Variants in STK32B observed in about 807,000 individuals in gnomAD.
STK32B encodes serine/threonine kinase 32B, also known as serine/threonine-protein kinase 32B.
STK32B carries 43 observed loss-of-function variants against 52.6 expected under a neutral mutation model. The ratio of observed to expected loss-of-function variants is 0.82; its 90% CI spans 0.64 to 1.05. The LOEUF is 1.05. Among genes scored for constraint, STK32B ranks in the 50% least tolerant of loss-of-function variants. STK32B has a pLI of 0.00. For synonymous variants in STK32B, 238 were observed against 204.3 expected, an observed-to-expected ratio of 1.17 and a Z score of -1.41; for missense variants, 621 against 534.6, an observed-to-expected ratio of 1.16 and a Z score of -1.59.
chr4:5,049,833 C>T (rs1026149896), upstream of STK32B, among the ~76,000 whole-genome samples: 3 of 152,084 alleles, frequency 2.0e-5, no homozygotes, highest in South Asian at 2.1e-4. Flanking sequence ...GTGATCCACC[C>T]GCCTCAGCCT....
chr4:5,053,815 C>CTAAAAATTTTG (rs1553814576), intron 1 of STK32B, among the ~76,000 whole-genome samples: 1 of 151,386 alleles, frequency 6.6e-6, no homozygotes, highest in Non-Finnish European at 1.5e-5. Flanking sequence ...CCCGACTCTA[C>CTAAAAATTTTG]TAAAAATACA....
Position 5,051,823 on chromosome 4 carries a change from C to T in STK32B, c.-41C>T. ...GCGTCCCACATCCCGCATCCGGCATCCCAGCGGCCGGGCATGTAGCAGCGG... is the reference window on the plus strand; with the variant it reads ...GCGTCCCACATCCCGCATCCGGCATTCCAGCGGCCGGGCATGTAGCAGCGG... On this transcript the variant is annotated 5_prime_UTR_variant, in exon 1 of 12. Transcript: ENST00000282908. 2 of 1,572,722 alleles carry T rather than the reference C, an allele frequency of 1.3e-6. No individual in the cohort carries two copies. Among genetic ancestry groups the T allele is most frequent in the Non-Finnish European group, 1.7e-6 (2 of 1,160,004 alleles).
At position 5,491,711 on chromosome 4, in the gene STK32B, G is replaced by C. The variant is rs1719749525; in HGVS notation, c.1107-7234G>C. Among the ~76,000 whole-genome samples, 3 of 152,048 alleles carry C rather than the reference G, an allele frequency of 2.0e-5. No individual in the cohort carries two copies. In the South Asian group the frequency reaches 6.2e-4, roughly 32 times the overall value. ...TTCTTCTAGGGTTTTTATGGTTTTA[G>C]GTCTAACATTTAAGTCTTTAATCCA... is the stretch of plus-strand genomic sequence containing the variant. On this transcript the variant is annotated intron_variant, in intron 11 of 11. Transcript: ENST00000282908.
At chr4:5,350,307 C>T (rs1008420185) in intron 4 of STK32B, among the ~76,000 whole-genome samples, 6 of 152,078 alleles carry the variant, frequency 3.9e-5, no homozygotes, top group African/African-American at 1.4e-4. Flanking sequence ...GGATGCTACA[C>T]TCAAAGTTGT....
the STK32B span, among the ~76,000 whole-genome samples, chr4:5,040,259 A>G: frequency 6.6e-6 from 1 of 152,190 alleles, no homozygotes; most frequent in Non-Finnish European, 1.5e-5. Flanking sequence ...AGTGGATACC[A>G]TGAACAAGTA....
chr4:5,387,781 G>A (rs1048326702), intron 4 of STK32B, among the ~76,000 whole-genome samples: 3 of 152,118 alleles, frequency 2.0e-5, no homozygotes, highest in African/African-American at 7.2e-5. Flanking sequence ...GTTTTCTTTT[G>A]TTACCCAGGC....
chr4:5,211,582 G>A (rs545807013), intron 3 of STK32B, among the ~76,000 whole-genome samples: 4 of 152,138 alleles, frequency 2.6e-5, no homozygotes, highest in African/African-American at 9.7e-5. Flanking sequence ...TAGGGGAGGA[G>A]GGGGGATGGA....
the STK32B span, among the ~76,000 whole-genome samples, chr4:5,039,160 A>T: frequency 1.1e-4 from 17 of 151,618 alleles, 1 homozygote; most frequent in South Asian, 2.9e-3. Flanking sequence ...ATATATATAT[A>T]TTTTTTGTAT....
Position 5,168,445 on chromosome 4 carries a change from T to A in STK32B, c.255T>A (p.Asn85Lys). 1 of 1,612,924 alleles carries A rather than the reference T, an allele frequency of 6.2e-7. No homozygotes were observed. The highest frequency in any genetic ancestry group is 1.1e-5 in the South Asian group (1 of 90,798). ...GGCTGGAGCACCCCTTCCTGGTCAA[T>A]CTGTGGTGAGTGTGGCTCCATCCAG... ...MQGLEHPFLV[N>K]LWYSFQDEED... Residue 85 changes from asparagine to lysine, a missense_variant, in exon 3 of 12, where the codon AAT becomes AAA. Coordinates refer to ENST00000282908, the MANE Select transcript of STK32B (RefSeq NM_018401.3).
chr4:5,176,004 G>T (rs556143799), intron 3 of STK32B, among the ~76,000 whole-genome samples: 2 of 152,316 alleles, frequency 1.3e-5, no homozygotes, highest in East Asian at 3.9e-4. Context: ...GCAATGGTGG[G>T]CGCCCCTCCC....
chr4:5,035,527 C>T, the STK32B span, among the ~76,000 whole-genome samples: 2 of 152,262 alleles, frequency 1.3e-5, no homozygotes, highest in African/African-American at 2.4e-5. Context: ...TGTGCCTGCA[C>T]CTAACCATAG....
intron 2 of STK32B, among the ~76,000 whole-genome samples, chr4:5,144,910 G>A (rs1197445384): frequency 6.6e-6 from 1 of 152,136 alleles, no homozygotes; most frequent in Non-Finnish European, 1.5e-5. Context: ...TATGGTGCCT[G>A]CCTTTGAGGA....
chr4:5,094,308 A>C (rs1157432150), intron 1 of STK32B, among the ~76,000 whole-genome samples: 1 of 152,230 alleles, frequency 6.6e-6, no homozygotes, highest in Non-Finnish European at 1.5e-5. Flanking sequence ...AAGTTAACAG[A>C]AGAAGTGCTT....
Position 5,169,931 on chromosome 4 carries a change from T to A in STK32B, c.260+1481T>A, listed in dbSNP as rs376309332. Among the ~76,000 whole-genome samples the A allele has an allele frequency of 4.6e-5, 7 of 152,214 alleles. No homozygotes were observed. In the East Asian group the frequency reaches 5.8e-4, roughly 13 times the overall value. On this transcript the variant is annotated intron_variant, in intron 3 of 11. Transcript: ENST00000282908. ...CATATCAATGACATATAACTGTATG[T>A]GTTATTGATATATAAACATTCAGAG...
intron 3 of STK32B, among the ~76,000 whole-genome samples, chr4:5,323,907 A>G (rs560544563): frequency 1.5e-4 from 23 of 152,334 alleles, no homozygotes; most frequent in Admixed American, 5.2e-4. Flanking sequence ...GACATGGACT[A>G]TCTTGGCTCA....
At chr4:5,476,884 G>A (rs1718281503) in intron 11 of STK32B, among the ~76,000 whole-genome samples, 1 of 151,546 alleles carries the variant, frequency 6.6e-6, no homozygotes, top group Non-Finnish European at 1.5e-5. Context: ...AAGAGAGGCT[G>A]CCACAACCCA....
chr4:5,116,060 C>T (rs373827651), intron 1 of STK32B, among the ~76,000 whole-genome samples: 22 of 152,210 alleles, frequency 1.4e-4, no homozygotes, highest in African/African-American at 5.1e-4. Context: ...GAGACAGACC[C>T]TCAGACTAGA....
chr4:5,083,706 G>C (rs1209960910), intron 1 of STK32B, among the ~76,000 whole-genome samples: 1 of 151,592 alleles, frequency 6.6e-6, no homozygotes, highest in Admixed American at 6.6e-5. Flanking sequence ...TATCTATTTT[G>C]CTTCCTTAGA....
chr4:5,089,750 T>G (rs1712953516), intron 1 of STK32B, among the ~76,000 whole-genome samples: 1 of 152,186 alleles, frequency 6.6e-6, no homozygotes, highest in Non-Finnish European at 1.5e-5. Flanking sequence ...AATGGTATTT[T>G]TGGTTCCAGA....
Sources: gnomAD v4.1 joint callset for allele counts (sites outside exome capture counted in the v4.1 genomes callset) on GRCh38, gnomAD v4.1.1 for gene constraint, MANE v1.5 for transcripts, NCBI Gene and HGNC (gene_info 2026-07-23, HGNC 2026-07-21) for gene names.